Variants in METTL24 observed in about 807,000 individuals in gnomAD.
METTL24 encodes methyltransferase like 24.
METTL24 carries 29 observed loss-of-function variants against 32.7 expected under a neutral mutation model. The ratio of observed to expected loss-of-function variants is 0.89; its 90% CI spans 0.66 to 1.21. METTL24 has a LOEUF of 1.21. METTL24 is among the 50% of genes most tolerant of loss of function. METTL24 has a pLI of 0.00. For synonymous variants in METTL24, 163 were observed against 179.5 expected (o/e 0.91, Z 0.73); for missense variants, 439 against 468.1 (o/e 0.94, Z 0.57).
chr6:110,277,220 C>A (rs1025402035), intron 4 of METTL24, among the ~76,000 whole-genome samples: 20 of 152,144 alleles, frequency 1.3e-4, no homozygotes, highest in African/African-American at 4.8e-4. Flanking sequence ...TCATGAGATT[C>A]GTTGCTATCC....
intron 3 of METTL24, 141 bp downstream of exon 3, chr6:110,315,201 G>T: frequency 1.0e-6 from 1 of 986,700 alleles, no homozygotes; most frequent in East Asian, 2.4e-5. Flanking sequence ...ACAACAGACA[G>T]ATCAGTCTGA....
rs142492216 is a variant in METTL24 at position 110,244,970 on chromosome 6, T to TTTATC, written c.*975_*976insGATAA. ...AAACATGCCAGTAGGAAAATCTATC[T>TTTATC]TATCTATCTATCTATCTATCTATCT... On this transcript the variant is annotated 3_prime_UTR_variant, in exon 5 of 5. Transcript: ENST00000338882. 3.3e-5 allele frequency among the ~76,000 whole-genome samples: 5 copies of TTTATC among 149,966 alleles called. No individual in the cohort carries two copies. The highest frequency in any genetic ancestry group is 1.2e-4 in the African/African-American group (5 of 40,280).
chr6:110,327,816 T>G (rs564643593), intron 1 of METTL24, among the ~76,000 whole-genome samples: 12 of 152,254 alleles, frequency 7.9e-5, no homozygotes, highest in Non-Finnish European at 1.6e-4. Context: ...AAAACCTCTT[T>G]TTAATCATTG....
chr6:110,334,225 T>G (rs902606868), intron 1 of METTL24, among the ~76,000 whole-genome samples: 1 of 152,126 alleles, frequency 6.6e-6, no homozygotes, highest in African/African-American at 2.4e-5. Context: ...TCAGCCCACA[T>G]CAGTCTCAAC....
intron 4 of METTL24, among the ~76,000 whole-genome samples, chr6:110,293,641 A>T (rs1214462932): frequency 6.6e-6 from 1 of 151,988 alleles, no homozygotes; most frequent in African/African-American, 2.4e-5. Context: ...TTAAATAACA[A>T]TGGTGATTAC....
chr6:110,255,397 G>A (rs1778363581), intron 4 of METTL24, among the ~76,000 whole-genome samples: 1 of 152,140 alleles, frequency 6.6e-6, no homozygotes, highest in African/African-American at 2.4e-5. Flanking sequence ...AGGGACAGAT[G>A]ATGGGTGAGC....
intron 4 of METTL24, among the ~76,000 whole-genome samples, chr6:110,281,665 A>G (rs996211894): frequency 3.3e-5 from 5 of 150,388 alleles, no homozygotes; most frequent in African/African-American, 1.2e-4. Context: ...AAAAAAAAGG[A>G]GCGGGGGGAG....
At chr6:110,258,596 G>T (rs1421418563) in intron 4 of METTL24, among the ~76,000 whole-genome samples, 6 of 152,038 alleles carry the variant, frequency 3.9e-5, no homozygotes, top group African/African-American at 1.5e-4. Context: ...GTGGATAGGT[G>T]GATGGTTAAA....
In METTL24 at chr6:110,256,627, C is replaced by T. The variant is rs568123428; in HGVS notation, c.787-10367G>A. Among the ~76,000 whole-genome samples the T allele has an allele frequency of 5.3e-5, 8 of 152,276 alleles. No individual in the cohort carries two copies. The South Asian group carries it at 1.7e-3, about 32-fold the overall frequency. On this transcript the variant is annotated intron_variant, in intron 4 of 4. Coordinates refer to ENST00000338882, the MANE Select transcript of METTL24 (RefSeq NM_001123364.3). The stretch of plus-strand genomic sequence containing the variant: ...TCCATAACACCCTCCCCCTGGCCTT[C>T]CATCCTCCACCTCTGTGATCACCTT...
intron 3 of METTL24, among the ~76,000 whole-genome samples, chr6:110,304,459 T>C (rs1395330042): frequency 2.6e-5 from 4 of 152,082 alleles, no homozygotes; most frequent in African/African-American, 4.8e-5. Context: ...AATAACTAGT[T>C]TAGAGAAGAA....
At chr6:110,269,136 C>T (rs1770910211) in intron 4 of METTL24, among the ~76,000 whole-genome samples, 1 of 152,054 alleles carries the variant, frequency 6.6e-6, no homozygotes, top group South Asian at 2.1e-4. Flanking sequence ...GTTTAAGATA[C>T]AGTAATTGTT....
chr6:110,282,154 G>A (rs1771146877), intron 4 of METTL24, among the ~76,000 whole-genome samples: 1 of 152,152 alleles, frequency 6.6e-6, no homozygotes, highest in South Asian at 2.1e-4. Flanking sequence ...CTGGATATCA[G>A]AGTCACACTG....
intron 4 of METTL24, among the ~76,000 whole-genome samples, chr6:110,257,713 T>C (rs1028501655): frequency 1.3e-5 from 2 of 152,252 alleles, no homozygotes; most frequent in Non-Finnish European, 2.9e-5. Context: ...CCTTGGCTGA[T>C]AACACCAGGT....
intron 2 of METTL24, among the ~76,000 whole-genome samples, chr6:110,320,703 A>T (rs945459811): frequency 2.6e-5 from 4 of 152,198 alleles, no homozygotes; most frequent in Admixed American, 2.6e-4. Context: ...TAGATCCTTA[A>T]GGGCAGAGAC....
At chr6:110,270,325 C>G (rs1770932574) in intron 4 of METTL24, among the ~76,000 whole-genome samples, 1 of 151,796 alleles carries the variant, frequency 6.6e-6, no homozygotes, top group African/African-American at 2.4e-5. Flanking sequence ...GAGGTTTCAG[C>G]CATGAGGCAA....
intron 3 of METTL24, among the ~76,000 whole-genome samples, chr6:110,306,925 T>C (rs1249580988): frequency 6.6e-6 from 1 of 152,226 alleles, no homozygotes; most frequent in Non-Finnish European, 1.5e-5. Context: ...ATCTCAGGTC[T>C]AGGGAACTGT....
chr6:110,322,081 C>G (rs1018281463), intron 2 of METTL24, among the ~76,000 whole-genome samples: 1 of 152,176 alleles, frequency 6.6e-6, no homozygotes, highest in African/African-American at 2.4e-5. Context: ...CTCTTTCCCC[C>G]TGGGATCAGG....
At chr6:110,270,566 G>C (rs981405430) in intron 4 of METTL24, among the ~76,000 whole-genome samples, 3 of 152,054 alleles carry the variant, frequency 2.0e-5, no homozygotes, top group Non-Finnish European at 4.4e-5. Context: ...AGGCGCCAAA[G>C]AGAGCTCTGA....
At chr6:110,253,229 A>G (rs1159899144) in intron 4 of METTL24, among the ~76,000 whole-genome samples, 1 of 152,140 alleles carries the variant, frequency 6.6e-6, no homozygotes, top group Admixed American at 6.6e-5. Flanking sequence ...GTCAATAGGA[A>G]TAGAGAGAGA....
Sources: allele counts gnomAD v4.1 joint callset (sites outside exome capture counted in the v4.1 genomes callset), GRCh38; gene constraint gnomAD v4.1.1; transcripts MANE v1.5; gene names NCBI Gene and HGNC (gene_info 2026-07-23, HGNC 2026-07-21).